The following SLC30A3 variants were observed in gnomAD, a reference collection of about 807,000 sequenced individuals.
SLC30A3 encodes solute carrier family 30 member 3.
A neutral mutation model predicts 35.6 loss-of-function variants in SLC30A3; 20 were observed. The ratio of observed to expected loss-of-function variants is 0.56; its 90% confidence interval spans 0.39 to 0.82. SLC30A3 has a LOEUF of 0.82. Ranked by LOEUF, SLC30A3 falls within the 40% of genes least tolerant of loss-of-function variation. SLC30A3 has a pLI of 0.00. For synonymous variants in SLC30A3, 217 were observed against 224.7 expected (o/e 0.97, Z 0.31); for missense variants, 401 against 530.6 (o/e 0.76, Z 2.40).
rs571315053 is a variant in SLC30A3, at chr2:27,254,580, G to A, written c.*732C>T. On this transcript the variant is annotated 3_prime_UTR_variant, in exon 8 of 8. Transcript: ENST00000233535. Reference sequence around the variant, plus strand: ...GCACACAGGCTGAAAGATGCAGTGAGACACAAGTTTATTGGTGGAGCTGCA... The same window carrying A: ...GCACACAGGCTGAAAGATGCAGTGAAACACAAGTTTATTGGTGGAGCTGCA... 1 of 155,430 alleles carries A rather than the reference G, an allele frequency of 6.4e-6. No individual in the cohort carries two copies. Among genetic ancestry groups the A allele is most frequent in the Non-Finnish European group, 1.4e-5 (1 of 69,808 alleles). The allele number at this position is 155,430 out of a possible 1,614,324, so 9.6% of individuals were successfully genotyped here. A position where few individuals can be genotyped will look rare whatever the true frequency, so the allele number is the denominator to read the frequency against.
upstream of SLC30A3, chr2:27,263,076 C>T (rs1169888711): frequency 2.2e-6 from 3 of 1,350,744 alleles, no homozygotes; most frequent in Non-Finnish European, 2.8e-6. Flanking sequence ...ACTGCAGATC[C>T]CGCTGCCGCC....
At position 27,271,599 on chromosome 2, in the gene SLC30A3, G is replaced by A. The variant is rs1257420129; in HGVS notation, c.-159+3578C>T. Among the ~76,000 whole-genome samples, 15 of 152,304 alleles carry A rather than the reference G, an allele frequency of 9.8e-5. No homozygotes were observed. The highest frequency in any genetic ancestry group is 2.9e-5 in the Non-Finnish European group (2 of 68,030). On this transcript the variant is annotated intron_variant, in intron 1 of 5. Transcript: ENST00000424577. This position sits in a 1 kb window ranked among gnomAD's most constrained non-coding sequence, Gnocchi z 4.3. ...TGTCTAAGATCACACAGCCTGTGAG[G>A]GCCAGAGCCAGAGCTAAGATCTAGG...
Position 27,262,514 on chromosome 2 carries a change from C to T in SLC30A3, c.95+298G>A, listed in dbSNP as rs1012464803. 5.3e-5 allele frequency among the ~76,000 whole-genome samples: 8 copies of T among 151,898 alleles called. No individual in the cohort carries two copies. The highest frequency in any genetic ancestry group is 1.9e-4 in the African/African-American group (8 of 41,382). The stretch of plus-strand genomic sequence containing the variant: ...CCGGCCCGACCGAGCGGCAGCTGCT[C>T]CCAGGGAAGGCAGGCGCCGCGGGGG... On this transcript the variant is annotated intron_variant, in intron 1 of 7. Transcript: ENST00000233535. This position sits in a 1 kb window ranked among gnomAD's most constrained non-coding sequence, Gnocchi z 7.5.
chr2:27,263,270 T>TCTGCACAC, upstream of SLC30A3: 1 of 484,118 alleles, frequency 2.1e-6, no homozygotes, highest in Non-Finnish European at 4.0e-6. Context: ...CCAGGCGAGC[T>TCTGCACAC]AGCCCCACCT....
rs766591386 is a variant in SLC30A3, at chr2:27,275,095, A to C, written c.-159+82T>G. The C allele has an allele frequency of 2.9e-4, 271 of 928,072 alleles. 3 individuals carry two copies. Among genetic ancestry groups the C allele is most frequent in the Middle Eastern group, 1.5e-3 (6 of 4,004 alleles). The allele number at this position is 928,072 out of a possible 1,614,324, so 57.5% of individuals were successfully genotyped here. Reference sequence around the variant, plus strand: ...AGGTGTTTCCGGGTGGAAGAGAAGGAGGGACCAAGCGGAGAGCCCTAAGTC... The same window carrying C: ...AGGTGTTTCCGGGTGGAAGAGAAGGCGGGACCAAGCGGAGAGCCCTAAGTC... On this transcript the variant is annotated intron_variant, in intron 1 of 5. Transcript: ENST00000424577.
At chr2:27,263,978 G>C, upstream of SLC30A3, 3 of 1,221,672 alleles carry the variant, frequency 2.5e-6, no homozygotes, top group Non-Finnish European at 3.2e-6. Context: ...TCATTTGGGG[G>C]AAACTAAAAC....
rs568034141 is a variant in SLC30A3 at position 27,255,231 on chromosome 2, G to A, written c.*81C>T. On this transcript the variant is annotated 3_prime_UTR_variant, in exon 8 of 8. Coordinates refer to ENST00000233535, the MANE Select transcript of SLC30A3 (RefSeq NM_003459.5). This position sits in a 1 kb window ranked among gnomAD's most constrained non-coding sequence, Gnocchi z 5.2. ...AGGGGTATGGACCTGGCTCGGTCCC[G>A]TCTCTGTGATCAGGGCAGCAGATGC... 24 of 1,608,040 alleles carry A rather than the reference G, an allele frequency of 1.5e-5. No individual in the cohort carries two copies. The highest frequency in any genetic ancestry group is 9.3e-5 in the African/African-American group (7 of 74,998).
rs923246068 is a variant in SLC30A3 at position 27,271,298 on chromosome 2, TGTTTGTGG to T, written c.-159+3871_-159+3878del. On this transcript the variant is annotated intron_variant, in intron 1 of 5. Coordinates refer to the SLC30A3 transcript ENST00000424577. This position sits in a 1 kb window ranked among gnomAD's most constrained non-coding sequence, Gnocchi z 4.3. ...CCAGCTATATGACTAAAACTTTAGT[TGTTTGTGG>T]GTAAACAAGGGATGCTTCTTCGTTT... Among the ~76,000 whole-genome samples the T allele has an allele frequency of 6.6e-6, 1 of 152,234 alleles. No individual in the cohort carries two copies. Among genetic ancestry groups the T allele is most frequent in the African/African-American group, 2.4e-5 (1 of 41,446 alleles).
Position 27,257,207 on chromosome 2 carries a change from C to T in SLC30A3, c.724G>A (p.Asp242Asn). 2 of 1,614,024 alleles carry T rather than the reference C, an allele frequency of 1.2e-6. No individual in the cohort carries two copies. Among genetic ancestry groups the T allele is most frequent in the Non-Finnish European group, 1.7e-6 (2 of 1,179,986 alleles). The change falls in exon 5 of 8, where the codon GAC (aspartate) becomes AAC (asparagine). Residue 242 changes from aspartate (D) to asparagine (N), a missense_variant. This residue lies in a region of SLC30A3 where 296 missense variants were observed against 392.6 expected (regional missense o/e 0.75). Coordinates refer to ENST00000233535, the MANE Select transcript of SLC30A3 (RefSeq NM_003459.5). This position sits in a 1 kb window ranked among gnomAD's most constrained non-coding sequence, Gnocchi z 4.7. ...AGTACCCCAAAGCTCTGCAGGAGGT[C>T]CCCCAGCACGTGCACAAATGCCGCC... ...VRAAFVHVLG[D>N]LLQSFGVLAA...
upstream of SLC30A3, chr2:27,264,042 C>G: frequency 2.3e-6 from 3 of 1,288,718 alleles, no homozygotes; most frequent in South Asian, 3.7e-5. The surrounding 1 kb of genome is among the most constrained non-coding windows in gnomAD (Gnocchi z 6.1). Flanking sequence ...CAAGTCGAAG[C>G]TTCAAATGCT....
chr2:27,256,719 G>A lies in SLC30A3; in HGVS notation c.883+69C>T. 3 of 1,330,208 alleles carry A rather than the reference G, an allele frequency of 2.3e-6. No homozygotes were observed. The South Asian group carries it at 3.8e-5, about 17-fold the overall frequency. 82.4% of individuals were successfully genotyped at this position (1,330,208 alleles called of 1,614,324 possible). A position where few individuals can be genotyped will look rare whatever the true frequency, so the allele number is the denominator to read the frequency against. ...TCCCGTACTATCTTCAAAGAAAAAA[G>A]TGATGGCCCACTGCGAGAGTAAAGT... On this transcript the variant is annotated intron_variant, in intron 6 of 7. Coordinates refer to ENST00000233535, the MANE Select transcript of SLC30A3 (RefSeq NM_003459.5).
At position 27,256,893 on chromosome 2, in the gene SLC30A3, G is replaced by GT; in HGVS notation, c.778-1_778insA (p.Pro260ThrfsTer61). On this transcript the variant is annotated frameshift_variant and splice_region_variant. Transcript: ENST00000233535. LOFTEE classifies it high-confidence loss of function. ...ATGGGGTCGGCTGCCTTGTATTGAG[G>GT]CTGCAGAGAAAGAGACCCCTAAGCC... 6.2e-7 allele frequency: 1 copy of GT among 1,603,054 alleles called. No homozygotes were observed. The highest frequency in any genetic ancestry group is 8.5e-7 in the Non-Finnish European group (1 of 1,175,338).
At position 27,257,481 on chromosome 2, in the gene SLC30A3, T is replaced by G; in HGVS notation, c.579-129A>C. On this transcript the variant is annotated intron_variant, in intron 4 of 7. Transcript: ENST00000233535. The surrounding 1 kb of genome is among the most constrained non-coding windows in gnomAD (Gnocchi z 4.7). ...AGAAAACAGCATTTTGCAAGAGAGA[T>G]AAACAATGCAGCCTGGGGGAAAGAA... 2.3e-6 allele frequency: 2 copies of G among 869,862 alleles called. No homozygotes were observed. Among genetic ancestry groups the G allele is most frequent in the Middle Eastern group, 4.4e-4 (2 of 4,586 alleles). 53.9% of individuals were successfully genotyped at this position (869,862 alleles called of 1,614,324 possible).
rs1558568882 is a variant in SLC30A3 at position 27,271,070 on chromosome 2, G to C, written c.-159+4107C>G. ...GCAGGTCAATCCGCCTTTCTGGGCT[G>C]CACTTTCTTCAATTATAAAATGAAG... is the stretch of plus-strand genomic sequence containing the variant. On this transcript the variant is annotated intron_variant, in intron 1 of 5. Transcript: ENST00000424577. This position sits in a 1 kb window ranked among gnomAD's most constrained non-coding sequence, Gnocchi z 4.3. 6.6e-6 allele frequency among the ~76,000 whole-genome samples: 1 copy of C among 152,132 alleles called. No individual in the cohort carries two copies. The highest frequency in any genetic ancestry group is 1.5e-5 in the Non-Finnish European group (1 of 68,028).
chr2:27,265,215 C>T (rs994793564), upstream of SLC30A3, among the ~76,000 whole-genome samples: 2 of 152,234 alleles, frequency 1.3e-5, no homozygotes, highest in African/African-American at 4.8e-5. The surrounding 1 kb of genome is among the most constrained non-coding windows in gnomAD (Gnocchi z 5.9). Context: ...CGCAGACGCC[C>T]TCACGTGCCC....
At chr2:27,266,664 G>A (rs1346489703), upstream of SLC30A3, among the ~76,000 whole-genome samples, 1 of 152,170 alleles carries the variant, frequency 6.6e-6, no homozygotes, top group Non-Finnish European at 1.5e-5. Flanking sequence ...GGGAGGCCGA[G>A]GCAGGCAGAT....
In SLC30A3 at chr2:27,258,848, G is replaced by A. The variant is rs567778975; in HGVS notation, c.182C>T (p.Pro61Leu). Residue 61 changes from proline to leucine, a missense_variant, in exon 2 of 8, where the codon CCG becomes CTG. Pro to Leu is a moderately conservative substitution (Grantham distance 98, BLOSUM62 -3). Coordinates refer to ENST00000233535, the MANE Select transcript of SLC30A3 (RefSeq NM_003459.5). The surrounding 1 kb of genome is among the most constrained non-coding windows in gnomAD (Gnocchi z 4.0). The stretch of plus-strand genomic sequence containing the variant: ...CCTCTCAGGGGTAAGGCCCGGCGGC[G>A]GAAGGGGGTCCCTGTGGCAGTGGTG... The part of the protein sequence containing the change: ...PFHHCHRDPL[P>L]PPGLTPERLH... 1.9e-5 allele frequency: 31 copies of A among 1,614,042 alleles called. No individual in the cohort carries two copies. Among genetic ancestry groups the A allele is most frequent in the Non-Finnish European group, 2.5e-5 (30 of 1,180,008 alleles).
chr2:27,271,742 C>T lies in SLC30A3; in HGVS notation c.-159+3435G>A, dbSNP rs1677735332. Among the ~76,000 whole-genome samples, 1 of 152,224 alleles carries T rather than the reference C, an allele frequency of 6.6e-6. No homozygotes were observed. The highest frequency in any genetic ancestry group is 6.5e-5 in the Admixed American group (1 of 15,284). On this transcript the variant is annotated intron_variant, in intron 1 of 5. Coordinates refer to the SLC30A3 transcript ENST00000424577. This position sits in a 1 kb window ranked among gnomAD's most constrained non-coding sequence, Gnocchi z 4.3. ...TTCTAGGTAAAGGCAAAGAGGAGAG[C>T]CACTGGCCAAAGGAGGCCAGGCCGA... is the stretch of plus-strand genomic sequence containing the variant.
rs749854762 is a variant in SLC30A3, at chr2:27,255,210, G to A, written c.*102C>T. 2 of 1,605,018 alleles carry A rather than the reference G, an allele frequency of 1.2e-6. No homozygotes were observed. The highest frequency in any genetic ancestry group is 3.3e-5 in the Admixed American group (2 of 59,780). On this transcript the variant is annotated 3_prime_UTR_variant, in exon 8 of 8. Coordinates refer to ENST00000233535, the MANE Select transcript of SLC30A3 (RefSeq NM_003459.5). This position sits in a 1 kb window ranked among gnomAD's most constrained non-coding sequence, Gnocchi z 5.2. ...GGTGGTAGGAGGGAGAGAGGAAGGG[G>A]TATGGACCTGGCTCGGTCCCGTCTC...
Sources: gnomAD v4.1 joint callset for allele counts (sites outside exome capture counted in the v4.1 genomes callset) on GRCh38, gnomAD v4.1.1 for gene constraint, gnomAD v4.1.1 regional missense constraint, Gnocchi (gnomAD v3.1) non-coding constraint, MANE v1.5 for transcripts, NCBI Gene and HGNC (gene_info 2026-07-23, HGNC 2026-07-21) for gene names.